CLIC1: variants seen among roughly 807,000 people sequenced by gnomAD.
The protein encoded by CLIC1 is chloride intracellular channel protein 1.
A neutral mutation model predicts 26.4 loss-of-function variants in CLIC1; 16 were observed. The ratio of observed to expected loss-of-function variants is 0.61; its 90% CI spans 0.41 to 0.92. The LOEUF is 0.92. Ranked by LOEUF, CLIC1 falls within the 40% of genes least tolerant of loss-of-function variation. The probability of loss-of-function intolerance (pLI) is 0.00; values close to 1 mark genes in which losing one functional copy is unlikely to be tolerated. For missense variants in CLIC1, 225 were observed against 289.7 expected, an observed-to-expected ratio of 0.78 and a Z score of 1.62; for synonymous variants, 98 against 120.8, an observed-to-expected ratio of 0.81 and a Z score of 1.24.
chr6:31,734,018 G>A lies in CLIC1; in HGVS notation c.150-57C>T. The A allele has an allele frequency of 6.2e-7, 1 of 1,603,558 alleles. No individual in the cohort carries two copies. Among genetic ancestry groups the A allele is most frequent in the South Asian group, 1.1e-5 (1 of 90,822 alleles). On this transcript the variant is annotated intron_variant, in intron 2 of 5. Coordinates refer to ENST00000375784, the Ensembl canonical transcript of CLIC1. This position sits in a 1 kb window ranked among gnomAD's most constrained non-coding sequence, Gnocchi z 5.3. ...ATGGGGGTCAGGAAGAACCAGAAAG[G>A]GGGAATGGAGGACGTGGGATAAGAA...
Position 31,736,148 on chromosome 6 carries a change from G to A in CLIC1, c.39+114C>T. On this transcript the variant is annotated intron_variant, in intron 1 of 5. Coordinates refer to ENST00000375784, the Ensembl canonical transcript of CLIC1. The surrounding 1 kb of genome is among the most constrained non-coding windows in gnomAD (Gnocchi z 5.0). ...ACCCCTCAACCAAAGAGTGCACGTG[G>A]GATTGGGGGTGGGAGTCAAGGAGGG... 14 of 1,061,062 alleles carry A rather than the reference G, an allele frequency of 1.3e-5. No homozygotes were observed. The South Asian group carries it at 1.8e-4, about 14-fold the overall frequency. The allele number at this position is 1,061,062 out of a possible 1,614,324, so 65.7% of individuals were successfully genotyped here.
In CLIC1 at chr6:31,733,506, C is replaced by T; in HGVS notation, c.382+60G>A. Reference sequence around the variant, plus strand: ...AACGTCCAGGTGCCCCTAATGTCTCCTACCCGCTGGGTCCTCTCTATTCCT... The same window carrying T: ...AACGTCCAGGTGCCCCTAATGTCTCTTACCCGCTGGGTCCTCTCTATTCCT... On this transcript the variant is annotated intron_variant, in intron 4 of 5. Coordinates refer to ENST00000375784, the Ensembl canonical transcript of CLIC1. The surrounding 1 kb of genome is among the most constrained non-coding windows in gnomAD (Gnocchi z 5.4). The T allele has an allele frequency of 2.4e-6, 3 of 1,268,736 alleles. No homozygotes were observed. The highest frequency in any genetic ancestry group is 2.6e-4 in the Middle Eastern group (1 of 3,878). The allele number at this position is 1,268,736 out of a possible 1,614,324, so 78.6% of individuals were successfully genotyped here. A position where few individuals can be genotyped will look rare whatever the true frequency, so the allele number is the denominator to read the frequency against.
rs1366090153 is a variant in CLIC1, at chr6:31,732,391, C to T, written c.390G>A (p.Glu130=). 2.6e-6 allele frequency: 4 copies of T among 1,531,510 alleles called. No individual in the cohort carries two copies. Among genetic ancestry groups the T allele is most frequent in the African/African-American group, 2.8e-5 (2 of 71,554 alleles). The allele number at this position is 1,531,510 out of a possible 1,614,324, so 94.9% of individuals were successfully genotyped here. The change falls in exon 5 of 6, where the codon GAG becomes GAA. Residue 130 remains glutamate, a synonymous_variant. Coordinates refer to ENST00000375784, the Ensembl canonical transcript of CLIC1. The surrounding 1 kb of genome is among the most constrained non-coding windows in gnomAD (Gnocchi z 5.0). ...CCTTCAGGGCTTTCAGGAGTCCCTT[C>T]TCCAGATCTGTGCAAGAGAGGGAAC... is the stretch of plus-strand genomic sequence containing the variant.
rs1808199769 is a variant in CLIC1, at chr6:31,734,393, G to A, written c.40-130C>T. ...GACACATACACTGTCCCCTCACTATGGGCTCTTTGCCCTTGGGCCTGGGTC... is the reference window on the plus strand; with the variant it reads ...GACACATACACTGTCCCCTCACTATAGGCTCTTTGCCCTTGGGCCTGGGTC... On this transcript the variant is annotated intron_variant, in intron 1 of 5. Coordinates refer to ENST00000375784, the Ensembl canonical transcript of CLIC1. This position sits in a 1 kb window ranked among gnomAD's most constrained non-coding sequence, Gnocchi z 5.3. 2.8e-6 allele frequency: 2 copies of A among 705,110 alleles called. No homozygotes were observed. The highest frequency in any genetic ancestry group is 3.4e-5 in the South Asian group (2 of 59,054). 43.7% of individuals were successfully genotyped at this position (705,110 alleles called of 1,614,324 possible). A position where few individuals can be genotyped will look rare whatever the true frequency, so the allele number is the denominator to read the frequency against.
chr6:31,735,956 C>A (rs1264617983), intron 1 of CLIC1, among the ~76,000 whole-genome samples: 2 of 152,098 alleles, frequency 1.3e-5, no homozygotes, highest in Non-Finnish European at 2.9e-5. Context: ...TGTCCCTTCA[C>A]CAGCTCGCCC....
rs773927077 is a variant in CLIC1 at position 31,732,439 on chromosome 6, T to C, written c.383-41A>G. On this transcript the variant is annotated intron_variant, in intron 4 of 5. Coordinates refer to ENST00000375784, the Ensembl canonical transcript of CLIC1. This position sits in a 1 kb window ranked among gnomAD's most constrained non-coding sequence, Gnocchi z 5.0. ...AACTGATTAGAACTTCAGGAAAAGA[T>C]TGACATAGTCCGAAAAGGCCCGTTG... 2.9e-6 allele frequency: 4 copies of C among 1,396,534 alleles called. No homozygotes were observed. In the African/African-American group the frequency reaches 4.4e-5, roughly 15 times the overall value. The allele number at this position is 1,396,534 out of a possible 1,614,324, so 86.5% of individuals were successfully genotyped here.
rs1305200382 is a variant in CLIC1 at position 31,732,728 on chromosome 6, C to T, written c.383-330G>A. 6.6e-6 allele frequency among the ~76,000 whole-genome samples: 1 copy of T among 151,534 alleles called. No homozygotes were observed. The highest frequency in any genetic ancestry group is 2.4e-5 in the African/African-American group (1 of 41,328). On this transcript the variant is annotated intron_variant, in intron 4 of 5. Transcript: ENST00000375784. The surrounding 1 kb of genome is among the most constrained non-coding windows in gnomAD (Gnocchi z 5.0). ...AACTGGCTAATTTTTGTATTTTTTT[C>T]AGTAGAGACCAGTCATGTTGGCCAG...
chr6:31,730,808 A>C lies in CLIC1; in HGVS notation c.*34T>G. The stretch of plus-strand genomic sequence containing the variant: ...GAAACCACCAGGGCCTTTGTGGAGA[A>C]AATGGAGGGGGTTGAGGGAGTCCCA... On this transcript the variant is annotated 3_prime_UTR_variant, in exon 6 of 6. Transcript: ENST00000375784. This position sits in a 1 kb window ranked among gnomAD's most constrained non-coding sequence, Gnocchi z 5.1. 6.2e-7 allele frequency: 1 copy of C among 1,611,150 alleles called. No homozygotes were observed. Among genetic ancestry groups the C allele is most frequent in the Non-Finnish European group, 8.5e-7 (1 of 1,178,632 alleles).
chr6:31,733,979 A>C lies in CLIC1; in HGVS notation c.150-18T>G, dbSNP rs767595380. On this transcript the variant is annotated intron_variant, in intron 2 of 5. Coordinates refer to ENST00000375784, the Ensembl canonical transcript of CLIC1. The surrounding 1 kb of genome is among the most constrained non-coding windows in gnomAD (Gnocchi z 5.4). ...CGGTCCGCCTGGAGAAAGGATCAGG[A>C]ATCAGGACTGGAAATGGGGGTCAGG... 1 of 1,610,552 alleles carries C rather than the reference A, an allele frequency of 6.2e-7. No homozygotes were observed. Among genetic ancestry groups the C allele is most frequent in the South Asian group, 1.1e-5 (1 of 91,030 alleles).
rs575034840 is a variant in CLIC1, at chr6:31,732,134, G to T, written c.564+83C>A. ...CCCTAAGAAAGAAATCGTCTTTAGAGTGGTTGTCAGGGGAAGCCCATGTGG... is the reference window on the plus strand; with the variant it reads ...CCCTAAGAAAGAAATCGTCTTTAGATTGGTTGTCAGGGGAAGCCCATGTGG... On this transcript the variant is annotated intron_variant, in intron 5 of 5. Transcript: ENST00000375784. This position sits in a 1 kb window ranked among gnomAD's most constrained non-coding sequence, Gnocchi z 5.0. 16 of 1,154,696 alleles carry T rather than the reference G, an allele frequency of 1.4e-5. No individual in the cohort carries two copies. In the African/African-American group the frequency reaches 1.4e-4, roughly 10 times the overall value. The allele number at this position is 1,154,696 out of a possible 1,614,324, so 71.5% of individuals were successfully genotyped here. A position where few individuals can be genotyped will look rare whatever the true frequency, so the allele number is the denominator to read the frequency against.
Position 31,732,339 on chromosome 6 carries a change from G to C in CLIC1, c.442C>G (p.Leu148Val). Residue 148 changes from leucine to valine, a missense_variant, in exon 5 of 6, where the codon CTC (leucine) becomes GTC (valine). Coordinates refer to ENST00000375784, the Ensembl canonical transcript of CLIC1. The surrounding 1 kb of genome is among the most constrained non-coding windows in gnomAD (Gnocchi z 5.0). ...CTGGTTTCATCCACTTCTTCTGGGA[G>C]GGGGGATGTTAAGTAATTGTCTAAA... The C allele has an allele frequency of 1.9e-6, 3 of 1,593,860 alleles. No homozygotes were observed. The highest frequency in any genetic ancestry group is 2.6e-6 in the Non-Finnish European group (3 of 1,170,840).
chr6:31,731,534 T>C (rs1807946782), intron 5 of CLIC1, among the ~76,000 whole-genome samples: 1 of 152,172 alleles, frequency 6.6e-6, no homozygotes, highest in Non-Finnish European at 1.5e-5. Flanking sequence ...ACTCCTAACC[T>C]CAGGTGGTCC....
In CLIC1 at chr6:31,732,269, T is replaced by C; in HGVS notation, c.512A>G (p.Asn171Ser). ...GTTGCAGTCAGCCAGGGTGAGCTCG[T>C]TGCCATCCAAAAACTTCCTCTGAGA... The change falls in exon 5 of 6, where the codon AAC (asparagine) becomes AGC (serine). Residue 171 changes from asparagine to serine, a missense_variant. Coordinates refer to ENST00000375784, the Ensembl canonical transcript of CLIC1. The surrounding 1 kb of genome is among the most constrained non-coding windows in gnomAD (Gnocchi z 5.0). 3 of 1,597,004 alleles carry C rather than the reference T, an allele frequency of 1.9e-6. No individual in the cohort carries two copies. The highest frequency in any genetic ancestry group is 2.6e-6 in the Non-Finnish European group (3 of 1,172,230).
rs962891432 is a variant in CLIC1, at chr6:31,733,054, A to G, written c.382+512T>C. Among the ~76,000 whole-genome samples, 3 of 151,796 alleles carry G rather than the reference A, an allele frequency of 2.0e-5. No homozygotes were observed. The highest frequency in any genetic ancestry group is 6.6e-5 in the Admixed American group (1 of 15,238). On this transcript the variant is annotated intron_variant, in intron 4 of 5. Coordinates refer to ENST00000375784, the Ensembl canonical transcript of CLIC1. The surrounding 1 kb of genome is among the most constrained non-coding windows in gnomAD (Gnocchi z 5.4). ...GGAGAATTGCTTGAACCCGGCAGGC[A>G]GAGGTTGCAGTGAGCTGATTGCACC...
intron 1 of CLIC1, among the ~76,000 whole-genome samples, chr6:31,735,818 C>CACAT (rs1808293392): frequency 6.7e-6 from 1 of 149,788 alleles, no homozygotes; most frequent in Non-Finnish European, 1.5e-5. Flanking sequence ...CACACACACA[C>CACAT]ACACACACAC....
In CLIC1 at chr6:31,733,668, G is replaced by A. The variant is rs1583863910; in HGVS notation, c.280C>T (p.Pro94Ser). 6.2e-7 allele frequency: 1 copy of A among 1,612,922 alleles called. No homozygotes were observed. Among genetic ancestry groups the A allele is most frequent in the African/African-American group, 1.3e-5 (1 of 74,904 alleles). The change falls in exon 4 of 6, where the codon CCC (proline) becomes TCC (serine). Residue 94 changes from proline to serine, a missense_variant. Physicochemically the swap from Pro to Ser is moderately conservative, Grantham distance 74. Transcript: ENST00000375784. The surrounding 1 kb of genome is among the most constrained non-coding windows in gnomAD (Gnocchi z 5.4). Reference sequence around the variant, plus strand: ...TCAGGGTTCAGAGCTGCCAGCTTGGGGTACCTGAAAGCCAATGGGAAAAAT... The same window carrying A: ...TCAGGGTTCAGAGCTGCCAGCTTGGAGTACCTGAAAGCCAATGGGAAAAAT...
At position 31,733,510 on chromosome 6, in the gene CLIC1, C is replaced by G. The variant is rs1808118876; in HGVS notation, c.382+56G>C. 1.5e-6 allele frequency: 2 copies of G among 1,303,862 alleles called. No homozygotes were observed. Among genetic ancestry groups the G allele is most frequent in the South Asian group, 1.2e-5 (1 of 84,240 alleles). 80.8% of individuals were successfully genotyped at this position (1,303,862 alleles called of 1,614,324 possible). On this transcript the variant is annotated intron_variant, in intron 4 of 5. Coordinates refer to ENST00000375784, the Ensembl canonical transcript of CLIC1. The surrounding 1 kb of genome is among the most constrained non-coding windows in gnomAD (Gnocchi z 5.4). ...TCCAGGTGCCCCTAATGTCTCCTAC[C>G]CGCTGGGTCCTCTCTATTCCTCCCA...
At chr6:31,735,940 C>T (rs1487159459) in intron 1 of CLIC1, among the ~76,000 whole-genome samples, 1 of 152,086 alleles carries the variant, frequency 6.6e-6, no homozygotes, top group Non-Finnish European at 1.5e-5. Context: ...CCTGCTGGGC[C>T]CCCACTGTCC....
rs1360364747 is a variant in CLIC1 at position 31,732,679 on chromosome 6, G to A, written c.383-281C>T. 6.6e-6 allele frequency among the ~76,000 whole-genome samples: 1 copy of A among 151,782 alleles called. No individual in the cohort carries two copies. ...TCCTGCCTCAGCCTCCTGAGTAGCT[G>A]GGATTACAGGTGCCTGCCACCACAA... On this transcript the variant is annotated intron_variant, in intron 4 of 5. Transcript: ENST00000375784. This position sits in a 1 kb window ranked among gnomAD's most constrained non-coding sequence, Gnocchi z 5.0.
Sources: gnomAD v4.1 joint callset for allele counts (sites outside exome capture counted in the v4.1 genomes callset) on GRCh38, gnomAD v4.1.1 for gene constraint, Gnocchi (gnomAD v3.1) non-coding constraint, MANE v1.5 for transcripts, NCBI Gene and HGNC (gene_info 2026-07-23, HGNC 2026-07-21) for gene names.